PCDHGB7: variants seen among roughly 807,000 people sequenced by gnomAD.
PCDHGB7 encodes protocadherin gamma subfamily B, 7.
In PCDHGB7, 37 loss-of-function variants were observed where a neutral mutation model predicts 61.4. That is an observed-to-expected ratio of 0.60 (90% CI 0.46 to 0.79). The LOEUF (loss-of-function observed/expected upper bound fraction) is 0.79. PCDHGB7 is among the 30% of genes least tolerant of loss of function. PCDHGB7 has a pLI of 0.00. For missense variants in PCDHGB7, 1,166 were observed against 1,202.5 expected, an observed-to-expected ratio of 0.97 and a Z score of 0.45; for synonymous variants, 464 against 503.5, an observed-to-expected ratio of 0.92 and a Z score of 1.05.
chr5:141,510,905 C>T lies in PCDHGB7; in HGVS notation c.2564-42C>T. 4 of 1,613,538 alleles carry T rather than the reference C, an allele frequency of 2.5e-6. No homozygotes were observed. In the South Asian group the frequency reaches 4.4e-5, roughly 18 times the overall value. ...GATATAAGACAGTGACTGTTGAGGA[C>T]CCTAAGTTTAGCTCCCACCTGATCT... On this transcript the variant is annotated intron_variant, in intron 3 of 3. Coordinates refer to ENST00000398594, the MANE Select transcript of PCDHGB7 (RefSeq NM_018927.4).
Position 141,431,948 on chromosome 5 carries a change from T to G in PCDHGB7, c.2415+11674T>G. ...AAATCTGCCCTTTAAATTAGAAAAA[T>G]CTTACGGAAATTACTATAGTTTAGT... is the stretch of plus-strand genomic sequence containing the variant. On this transcript the variant is annotated intron_variant, in intron 1 of 3. Transcript: ENST00000398594. The surrounding 1 kb of genome is among the most constrained non-coding windows in gnomAD (Gnocchi z 4.8). The G allele has an allele frequency of 6.2e-7, 1 of 1,614,076 alleles. No homozygotes were observed. The highest frequency in any genetic ancestry group is 8.5e-7 in the Non-Finnish European group (1 of 1,180,006).
Position 141,487,367 on chromosome 5 carries a change from G to A in PCDHGB7, c.2416-7440G>A. 1 of 1,614,204 alleles carries A rather than the reference G, an allele frequency of 6.2e-7. No individual in the cohort carries two copies. The highest frequency in any genetic ancestry group is 8.5e-7 in the Non-Finnish European group (1 of 1,180,030). ...CACATGCTTTCCTGCTGGCACCTGT[G>A]CCTGTCTCACCAGATCTCGAAGGAG... On this transcript the variant is annotated intron_variant, in intron 1 of 3. Coordinates refer to ENST00000398594, the MANE Select transcript of PCDHGB7 (RefSeq NM_018927.4). This position sits in a 1 kb window ranked among gnomAD's most constrained non-coding sequence, Gnocchi z 5.0.
In PCDHGB7 at chr5:141,477,031, A is replaced by C; in HGVS notation, c.2416-17776A>C. Reference sequence around the variant, plus strand: ...TAGACCTTGTAACCGGGATGCTGACAATCAAGGGTCGGCTGGACTTCGAGG... The same window carrying C: ...TAGACCTTGTAACCGGGATGCTGACCATCAAGGGTCGGCTGGACTTCGAGG... On this transcript the variant is annotated intron_variant, in intron 1 of 3. Coordinates refer to ENST00000398594, the MANE Select transcript of PCDHGB7 (RefSeq NM_018927.4). This position sits in a 1 kb window ranked among gnomAD's most constrained non-coding sequence, Gnocchi z 4.9. The C allele has an allele frequency of 6.2e-7, 1 of 1,614,248 alleles. No individual in the cohort carries two copies. Among genetic ancestry groups the C allele is most frequent in the Non-Finnish European group, 8.5e-7 (1 of 1,180,040 alleles).
chr5:141,418,093 C>A lies in PCDHGB7; in HGVS notation c.234C>A (p.Asp78Glu). 1.2e-6 allele frequency: 2 copies of A among 1,614,032 alleles called. No individual in the cohort carries two copies. Among genetic ancestry groups the A allele is most frequent in the Non-Finnish European group, 1.7e-6 (2 of 1,179,904 alleles). Residue 78 changes from aspartate to glutamate, a missense_variant, in exon 1 of 4, where the codon GAC becomes GAA. By Grantham distance (45) the Asp-to-Glu change is conservative. Transcript: ENST00000398594. Reference protein sequence around the residue: ...VSAEKLHFSVDAQSGDLLVKD... With the variant: ...VSAEKLHFSVEAQSGDLLVKD... ...CGGAGAAGCTGCACTTCAGCGTAGA[C>A]GCGCAGAGCGGGGACTTACTTGTGA...
chr5:141,476,366 G>T lies in PCDHGB7; in HGVS notation c.2416-18441G>T, dbSNP rs1025903110. The T allele has an allele frequency of 6.2e-7, 1 of 1,614,026 alleles. No individual in the cohort carries two copies. The highest frequency in any genetic ancestry group is 8.5e-7 in the Non-Finnish European group (1 of 1,180,028). On this transcript the variant is annotated intron_variant, in intron 1 of 3. Coordinates refer to ENST00000398594, the MANE Select transcript of PCDHGB7 (RefSeq NM_018927.4). The surrounding 1 kb of genome is among the most constrained non-coding windows in gnomAD (Gnocchi z 7.6). The stretch of plus-strand genomic sequence containing the variant: ...ATTCTTTGAGGTGAACCGGGAGACC[G>T]GAGAGATGTTTGTGAACGACCGTCT...
intron 1 of PCDHGB7, chr5:141,492,006 G>T (rs2099736069): frequency 7.8e-6 from 5 of 643,420 alleles, no homozygotes; most frequent in Non-Finnish European, 1.3e-5. Context: ...GGCGATTTCC[G>T]CGGGTGTCGG....
At chr5:141,437,652 A>T (rs899628392) in intron 1 of PCDHGB7, among the ~76,000 whole-genome samples, 1 of 152,196 alleles carries the variant, frequency 6.6e-6, no homozygotes, top group African/African-American at 2.4e-5. Context: ...AAGCAAACAC[A>T]TAGTTTCGAA....
In PCDHGB7 at chr5:141,474,057, G is replaced by A. The variant is rs546654716; in HGVS notation, c.2416-20750G>A. Among the ~76,000 whole-genome samples, 3 of 152,192 alleles carry A rather than the reference G, an allele frequency of 2.0e-5. No homozygotes were observed. In the East Asian group the frequency reaches 5.8e-4, roughly 29 times the overall value. On this transcript the variant is annotated intron_variant, in intron 1 of 3. Transcript: ENST00000398594. ...TGTACTCCAGCCTGGATGACAGAGC[G>A]AGATCCTGCCTCAGAAACAAAAACC... is the stretch of plus-strand genomic sequence containing the variant.
Position 141,419,502 on chromosome 5 carries a change from T to C in PCDHGB7, c.1643T>C (p.Leu548Pro). ...GSPALSANVSLRVLVGDRNDN... is the reference protein window; with the variant it reads ...GSPALSANVSPRVLVGDRNDN... ...CCCGCGCTCAGCGCCAATGTGAGCCTGCGCGTGTTGGTGGGCGACCGTAAC... is the reference window on the plus strand; with the variant it reads ...CCCGCGCTCAGCGCCAATGTGAGCCCGCGCGTGTTGGTGGGCGACCGTAAC... The change falls in exon 1 of 4, where the codon CTG (leucine) becomes CCG (proline). Residue 548 changes from leucine to proline, a missense_variant. By Grantham distance (98) the Leu-to-Pro change is moderately conservative (BLOSUM62 -3). Transcript: ENST00000398594. The C allele has an allele frequency of 6.2e-7, 1 of 1,612,388 alleles. No individual in the cohort carries two copies. Among genetic ancestry groups the C allele is most frequent in the Admixed American group, 1.7e-5 (1 of 59,982 alleles).
At chr5:141,443,447 C>T (rs1267862519) in intron 1 of PCDHGB7, among the ~76,000 whole-genome samples, 1 of 152,184 alleles carries the variant, frequency 6.6e-6, no homozygotes, top group African/African-American at 2.4e-5. Flanking sequence ...GGTTGCGCTC[C>T]TGTACTCCAG....
chr5:141,502,039 G>T (rs2099812498), intron 2 of PCDHGB7, among the ~76,000 whole-genome samples: 1 of 152,126 alleles, frequency 6.6e-6, no homozygotes, highest in South Asian at 2.1e-4. Context: ...CCGCTTGCCT[G>T]CTCTCCCTAC....
At chr5:141,510,910 A>T (rs780792326) in intron 3 of PCDHGB7, 37 bp from the exon 4 acceptor site, 1 of 1,613,740 alleles carries the variant, frequency 6.2e-7, no homozygotes, top group East Asian at 2.2e-5. Flanking sequence ...GAGGACCCTA[A>T]GTTTAGCTCC....
rs1324855239 is a variant in PCDHGB7, at chr5:141,419,967, TTCTC to T, written c.2109_2112del (p.Leu704SerfsTer3). Reference sequence around the variant, plus strand: ...GCCTTGGCCTTGATTTCTGTGCTCTTTCTCCTCGCGGTGATTCTAGCTATTGCTC... The same window carrying T: ...GCCTTGGCCTTGATTTCTGTGCTCTTCTCGCGGTGATTCTAGCTATTGCTC... On this transcript the variant is annotated frameshift_variant, in exon 1 of 4. Transcript: ENST00000398594. LOFTEE classifies it high-confidence loss of function. The T allele has an allele frequency of 1.2e-6, 2 of 1,614,086 alleles. No homozygotes were observed. The highest frequency in any genetic ancestry group is 3.3e-5 in the Admixed American group (2 of 60,028).
chr5:141,490,485 G>A lies in PCDHGB7; in HGVS notation c.2416-4322G>A. 3 of 1,614,202 alleles carry A rather than the reference G, an allele frequency of 1.9e-6. No individual in the cohort carries two copies. Among genetic ancestry groups the A allele is most frequent in the Middle Eastern group, 3.3e-4 (2 of 6,062 alleles). On this transcript the variant is annotated intron_variant, in intron 1 of 3. Coordinates refer to ENST00000398594, the MANE Select transcript of PCDHGB7 (RefSeq NM_018927.4). This position sits in a 1 kb window ranked among gnomAD's most constrained non-coding sequence, Gnocchi z 5.4. ...TAACCAGCCAGCCTTTGGACCGGGA[G>A]GCCACATCCCACTATATCATCGAGC... is the stretch of plus-strand genomic sequence containing the variant.
At chr5:141,435,863 C>T (rs772361494) in intron 1 of PCDHGB7, among the ~76,000 whole-genome samples, 16 of 151,882 alleles carry the variant, frequency 1.1e-4, no homozygotes, top group Non-Finnish European at 2.2e-4. Context: ...TAGTTAAAAC[C>T]CAGAAAAGAG....
chr5:141,481,694 C>A (rs2099542163), intron 1 of PCDHGB7, among the ~76,000 whole-genome samples: 1 of 152,130 alleles, frequency 6.6e-6, no homozygotes, highest in South Asian at 2.1e-4. Flanking sequence ...TGGCTCACGC[C>A]TGTAATCCCA....
chr5:141,431,036 G>A lies in PCDHGB7; in HGVS notation c.2415+10762G>A. The A allele has an allele frequency of 6.2e-7, 1 of 1,614,204 alleles. No individual in the cohort carries two copies. Among genetic ancestry groups the A allele is most frequent in the Non-Finnish European group, 8.5e-7 (1 of 1,180,034 alleles). ...GGTCACGGCGGGCAGGATAGACCGG[G>A]AGGAGCTCTGTATGGGGGCCATCAA... On this transcript the variant is annotated intron_variant, in intron 1 of 3. Coordinates refer to ENST00000398594, the MANE Select transcript of PCDHGB7 (RefSeq NM_018927.4). This position sits in a 1 kb window ranked among gnomAD's most constrained non-coding sequence, Gnocchi z 4.8.
chr5:141,460,172 G>T (rs545017378), intron 1 of PCDHGB7, among the ~76,000 whole-genome samples: 1 of 151,852 alleles, frequency 6.6e-6, no homozygotes, highest in South Asian at 2.1e-4. Flanking sequence ...ATATTTTGTG[G>T]ATATTTTATC....
intron 1 of PCDHGB7, among the ~76,000 whole-genome samples, chr5:141,484,092 G>A (rs1594371151): frequency 6.6e-6 from 1 of 152,102 alleles, no homozygotes; most frequent in African/African-American, 2.4e-5. Flanking sequence ...AATGGTCTTC[G>A]TTGGTAATTA....
Sources: gnomAD v4.1 joint callset for allele counts (sites outside exome capture counted in the v4.1 genomes callset) on GRCh38, gnomAD v4.1.1 for gene constraint, Gnocchi (gnomAD v3.1) non-coding constraint, MANE v1.5 for transcripts, NCBI Gene and HGNC (gene_info 2026-07-23, HGNC 2026-07-21) for gene names.